The following PPP2R5D variants were observed in gnomAD, a reference collection of about 807,000 sequenced individuals.
The protein encoded by PPP2R5D is protein phosphatase 2 regulatory subunit B'delta, also known as serine/threonine-protein phosphatase 2A 56 kDa regulatory subunit delta isoform.
Under a neutral mutation model 79.1 loss-of-function variants are expected in PPP2R5D, and 12 were observed. The ratio of observed to expected loss-of-function variants is 0.15; its 90% CI spans 0.10 to 0.25. The LOEUF is 0.25. PPP2R5D is among the 10% of genes least tolerant of loss of function. The pLI is 1.00. For synonymous variants in PPP2R5D, 277 were observed against 286.6 expected (o/e 0.97, Z 0.34); for missense variants, 419 against 760.2 (o/e 0.55, Z 5.28).
Position 43,010,767 on chromosome 6 carries a change from A to G in PPP2R5D, c.1554+31A>G, listed in dbSNP as rs1248182066. The stretch of plus-strand genomic sequence containing the variant: ...GTTTTCCTGCCACTGTTGTGAACTG[A>G]GGGGCCAGCCCATCTTGAGCTGGGG... On this transcript the variant is annotated intron_variant, in intron 14 of 15. Coordinates refer to ENST00000485511, the MANE Select transcript of PPP2R5D (RefSeq NM_006245.4). This position sits in a 1 kb window ranked among gnomAD's most constrained non-coding sequence, Gnocchi z 4.7. The G allele has an allele frequency of 1.9e-6, 3 of 1,612,016 alleles. No individual in the cohort carries two copies. The highest frequency in any genetic ancestry group is 1.7e-4 in the Middle Eastern group (1 of 6,058).
At chr6:43,000,236 C>CTTTTTTT (rs1204045076) in intron 2 of PPP2R5D, among the ~76,000 whole-genome samples, 1,369 of 105,956 alleles carry the variant, frequency 0.013, 94 homozygotes, top group Middle Eastern at 0.041. Context: ...GTCTGGCCAC[C>CTTTTTTT]TTTTTTTTTT....
intron 2 of PPP2R5D, among the ~76,000 whole-genome samples, chr6:43,003,001 AG>A (rs1386408341): frequency 6.6e-6 from 1 of 152,178 alleles, no homozygotes; most frequent in Non-Finnish European, 1.5e-5. Flanking sequence ...CTCTCCCAAC[AG>A]GGGGCTGCCT....
rs1762155146 is a variant in PPP2R5D at position 43,007,553 on chromosome 6, C to G, written c.726+47C>G. On this transcript the variant is annotated intron_variant, in intron 6 of 15. Transcript: ENST00000485511. The surrounding 1 kb of genome is among the most constrained non-coding windows in gnomAD (Gnocchi z 4.5). ...CTTGCCCTCTCTTTCCATTCCATGC[C>G]CCCTTCATCTGTGTCCCAGTGGCTC... 1 of 1,493,132 alleles carries G rather than the reference C, an allele frequency of 6.7e-7. No homozygotes were observed. Among genetic ancestry groups the G allele is most frequent in the Non-Finnish European group, 9.3e-7 (1 of 1,070,404 alleles). 92.5% of individuals were successfully genotyped at this position (1,493,132 alleles called of 1,614,324 possible).
At chr6:43,005,256 T>C (rs945227522) in intron 2 of PPP2R5D, among the ~76,000 whole-genome samples, 1 of 151,838 alleles carries the variant, frequency 6.6e-6, no homozygotes, top group African/African-American at 2.4e-5. Flanking sequence ...GACATGGGAA[T>C]GAATTTCTTT....
Position 42,989,636 on chromosome 6 carries a change from C to T in PPP2R5D, c.53C>T (p.Thr18Ile), listed in dbSNP as rs2150251136. Residue 18 changes from threonine to isoleucine, a missense_variant, in exon 2 of 16, where the codon ACA (threonine) becomes ATA (isoleucine). By Grantham distance (89) the Thr-to-Ile change is moderately conservative (BLOSUM62 -1). Coordinates refer to ENST00000485511, the MANE Select transcript of PPP2R5D (RefSeq NM_006245.4). ...GAGCCCCCCAAGGTTGCCAAATGCA[C>T]AGCCAAGCCTAGCAGCTCGGGCAAG... ...EKEPPKVAKC[T>I]AKPSSSGKDG... 6.2e-7 allele frequency: 1 copy of T among 1,613,992 alleles called. No individual in the cohort carries two copies. Among genetic ancestry groups the T allele is most frequent in the South Asian group, 1.1e-5 (1 of 91,056 alleles).
At position 43,010,439 on chromosome 6, in the gene PPP2R5D, C is replaced by T. The variant is rs372323799; in HGVS notation, c.1380-29C>T. 1.2e-6 allele frequency: 2 copies of T among 1,603,424 alleles called. No individual in the cohort carries two copies. Among genetic ancestry groups the T allele is most frequent in the African/African-American group, 1.3e-5 (1 of 74,682 alleles). ...CACGCTAAGGGCAGGCTCTGGCCTC[C>T]TACACCTCATCTTTCTTCTTGGTGG... On this transcript the variant is annotated intron_variant, in intron 12 of 15. Coordinates refer to ENST00000485511, the MANE Select transcript of PPP2R5D (RefSeq NM_006245.4). The surrounding 1 kb of genome is among the most constrained non-coding windows in gnomAD (Gnocchi z 4.7).
At position 43,010,093 on chromosome 6, in the gene PPP2R5D, A is replaced by G. The variant is rs1762279962; in HGVS notation, c.1380-375A>G. Among the ~76,000 whole-genome samples the G allele has an allele frequency of 9.2e-6, 1 of 108,306 alleles. No homozygotes were observed. Among genetic ancestry groups the G allele is most frequent in the South Asian group, 2.5e-4 (1 of 3,936 alleles). The allele number at this position is 108,306 out of a possible 152,430, so 71.1% of individuals were successfully genotyped here. A position where few individuals can be genotyped will look rare whatever the true frequency, so the allele number is the denominator to read the frequency against. On this transcript the variant is annotated intron_variant, in intron 12 of 15. Transcript: ENST00000485511. This position sits in a 1 kb window ranked among gnomAD's most constrained non-coding sequence, Gnocchi z 4.7. ...TAAAAAAAAAACTCAGGGTTTTGAA[A>G]AGACTTTTCTGCTAAAAGCAAGCAC...
rs1561843629 is a variant in PPP2R5D, at chr6:42,998,015, TTATATATATATATATA to T, written c.105+8355_105+8370del. Among the ~76,000 whole-genome samples, 175 of 32,326 alleles carry T rather than the reference TTATATATATATATATA, an allele frequency of 5.4e-3. 2 individuals are homozygous for T. The highest frequency in any genetic ancestry group is 0.024 in the Middle Eastern group (1 of 42). 21.2% of individuals were successfully genotyped at this position (32,326 alleles called of 152,430 possible). On this transcript the variant is annotated intron_variant, in intron 2 of 15. Transcript: ENST00000485511. ...TTATATTTGAATATTTGGGTTTTAT[TTATATATATATATATA>T]TATATATATATATATATATATATAT...
Position 43,008,607 on chromosome 6 carries a change from C to T in PPP2R5D, c.1027-86C>T. The T allele has an allele frequency of 2.0e-6, 3 of 1,516,814 alleles. No homozygotes were observed. The highest frequency in any genetic ancestry group is 1.1e-5 in the South Asian group (1 of 88,458). The allele number at this position is 1,516,814 out of a possible 1,614,324, so 94.0% of individuals were successfully genotyped here. The stretch of plus-strand genomic sequence containing the variant: ...ATTCCTTCCCTCCATCTCCCCTTCC[C>T]TTCTGGGATCTTGTTTCTATCACTG... On this transcript the variant is annotated intron_variant, in intron 9 of 15. Transcript: ENST00000485511. This position sits in a 1 kb window ranked among gnomAD's most constrained non-coding sequence, Gnocchi z 4.2.
rs1771095312 is a variant in PPP2R5D, at chr6:42,989,487, G to A, written c.28-124G>A. Reference sequence around the variant, plus strand: ...CTCCACCCACCCCAGCTCCGCACAAGGTAGATTCTAATTGATTGATTCAAC... The same window carrying A: ...CTCCACCCACCCCAGCTCCGCACAAAGTAGATTCTAATTGATTGATTCAAC... On this transcript the variant is annotated intron_variant, in intron 1 of 15. Transcript: ENST00000485511. 5 of 808,114 alleles carry A rather than the reference G, an allele frequency of 6.2e-6. No individual in the cohort carries two copies. In the Admixed American group the frequency reaches 7.2e-5, roughly 12 times the overall value. The allele number at this position is 808,114 out of a possible 1,614,324, so 50.1% of individuals were successfully genotyped here. A position where few individuals can be genotyped will look rare whatever the true frequency, so the allele number is the denominator to read the frequency against.
chr6:43,004,739 G>A (rs776951732), intron 2 of PPP2R5D, among the ~76,000 whole-genome samples: 1 of 149,510 alleles, frequency 6.7e-6, no homozygotes, highest in South Asian at 2.1e-4. Flanking sequence ...ACTAAACTAT[G>A]TATTACATAG....
At position 42,998,011 on chromosome 6, in the gene PPP2R5D, T is replaced by TAATATATATATA. The variant is rs1189100610; in HGVS notation, c.105+8323_105+8324insAATATATATATA. ...TTATTTATATTTGAATATTTGGGTT[T>TAATATATATATA]TATTTATATATATATATATATATAT... On this transcript the variant is annotated intron_variant, in intron 2 of 15. Transcript: ENST00000485511. Among the ~76,000 whole-genome samples, 4 of 72,588 alleles carry TAATATATATATA rather than the reference T, an allele frequency of 5.5e-5. 1 individual carries two copies. The highest frequency in any genetic ancestry group is 3.4e-4 in the African/African-American group (4 of 11,762). The allele number at this position is 72,588 out of a possible 152,430, so 47.6% of individuals were successfully genotyped here.
Position 43,007,891 on chromosome 6 carries a change from TG to T in PPP2R5D, c.727-42del. The T allele has an allele frequency of 6.2e-7, 1 of 1,610,648 alleles. No homozygotes were observed. The stretch of plus-strand genomic sequence containing the variant: ...ATGTCACCCTGGCCACTGCCTTCCC[TG>T]GCTGCTGCCTCACTGGCTGCTTTCC... On this transcript the variant is annotated intron_variant, in intron 6 of 15. Transcript: ENST00000485511. The surrounding 1 kb of genome is among the most constrained non-coding windows in gnomAD (Gnocchi z 4.5).
intron 1 of PPP2R5D, among the ~76,000 whole-genome samples, chr6:42,985,425 C>A (rs1770767337): frequency 6.6e-6 from 1 of 152,204 alleles, no homozygotes; most frequent in Non-Finnish European, 1.5e-5. Context: ...AGGGACTTGT[C>A]CAAGGTCACA....
Position 43,007,234 on chromosome 6 carries a change from G to A in PPP2R5D, c.561G>A (p.Ser187=), listed in dbSNP as rs772443619. 10 of 1,613,860 alleles carry A rather than the reference G, an allele frequency of 6.2e-6. No individual in the cohort carries two copies. In the East Asian group the frequency reaches 1.3e-4, roughly 22 times the overall value. ...TCTTCCGGACGCTGCCACCTTCATC[G>A]AATCCCACAGGGGCTGAGTTTGACC... is the stretch of plus-strand genomic sequence containing the variant. ...VNLFRTLPPS[S]NPTGAEFDPE... is the part of the protein sequence containing the mutation. The change falls in exon 5 of 16, where the codon TCG becomes TCA. Residue 187 remains serine (S), a synonymous_variant. Transcript: ENST00000485511. The surrounding 1 kb of genome is among the most constrained non-coding windows in gnomAD (Gnocchi z 4.5).
chr6:42,998,011 TTATTTATA>T (rs1293616798), intron 2 of PPP2R5D, among the ~76,000 whole-genome samples: 79 of 72,554 alleles, frequency 1.1e-3, no homozygotes, highest in African/African-American at 5.8e-3. Context: ...TATTTGGGTT[TTATTTATA>T]TATATATATA....
chr6:42,986,328 G>A (rs941805500), intron 1 of PPP2R5D, among the ~76,000 whole-genome samples: 1 of 151,980 alleles, frequency 6.6e-6, no homozygotes, highest in African/African-American at 2.4e-5. Context: ...CTGGTGTTCT[G>A]GCCACCTGCT....
chr6:42,985,296 G>A (rs1055719252), intron 1 of PPP2R5D, among the ~76,000 whole-genome samples: 1 of 152,178 alleles, frequency 6.6e-6, no homozygotes, highest in Non-Finnish European at 1.5e-5. Flanking sequence ...AAACTTGTAA[G>A]CAGGACTGAG....
At chr6:42,997,936 C>A (rs1771822566) in intron 2 of PPP2R5D, among the ~76,000 whole-genome samples, 1 of 146,666 alleles carries the variant, frequency 6.8e-6, no homozygotes, top group Admixed American at 7.0e-5. Context: ...CTTGGCCTCC[C>A]AAAGTGCTGG....
Sources: gnomAD v4.1 joint callset for allele counts (sites outside exome capture counted in the v4.1 genomes callset) on GRCh38, gnomAD v4.1.1 for gene constraint, Gnocchi (gnomAD v3.1) non-coding constraint, MANE v1.5 for transcripts, NCBI Gene and HGNC (gene_info 2026-07-23, HGNC 2026-07-21) for gene names.